The following CTNNA2 variants were observed in gnomAD, a reference collection of about 807,000 sequenced individuals.
The protein encoded by CTNNA2 is catenin alpha-2.
A neutral mutation model predicts 101.0 loss-of-function variants in CTNNA2; 42 were observed. That is an observed-to-expected ratio of 0.42 (90% CI 0.32 to 0.54). CTNNA2 has a LOEUF of 0.54. Ranked by LOEUF, CTNNA2 falls within the 20% of genes least tolerant of loss-of-function variation. The pLI is 0.14. For synonymous variants in CTNNA2, 450 were observed against 456.4 expected (o/e 0.99, Z 0.18); for missense variants, 871 against 1,223.1 (o/e 0.71, Z 4.29).
intron 9 of CTNNA2, among the ~76,000 whole-genome samples, chr2:80,437,098 A>G (rs1682108043): frequency 6.6e-6 from 1 of 152,156 alleles, no homozygotes; most frequent in Non-Finnish European, 1.5e-5. Flanking sequence ...AGAAGGCACC[A>G]TCTATGAGGA....
chr2:79,615,588 G>A (rs1678565419), intron 1 of CTNNA2, among the ~76,000 whole-genome samples: 1 of 152,200 alleles, frequency 6.6e-6, no homozygotes, highest in Non-Finnish European at 1.5e-5. Flanking sequence ...GTTTTGACGA[G>A]AGGGTCAATG....
intron 6 of CTNNA2, among the ~76,000 whole-genome samples, chr2:79,886,095 G>A (rs1683837938): frequency 1.3e-5 from 2 of 152,194 alleles, no homozygotes; most frequent in South Asian, 4.1e-4. Context: ...CATAAATGCT[G>A]CTGCATACGC....
intron 2 of CTNNA2, among the ~76,000 whole-genome samples, chr2:79,742,973 A>T (rs1671396361): frequency 6.6e-6 from 1 of 152,132 alleles, no homozygotes; most frequent in South Asian, 2.1e-4. Context: ...CTCTTTCTCT[A>T]TAAACTGACC....
rs3979544 is a variant in CTNNA2 at position 79,443,903 on chromosome 2, A to ACTCTCTCTCTCTCT, written c.-134-61126_-134-61113dup. ...AAGCTTTTATCTTATTTGTATACAT[A>ACTCTCTCTCTCTCT]CTCTCTCTCTCTCTCTCTCTCTCTC... On this transcript the variant is annotated intron_variant, in intron 4 of 21. Transcript: ENST00000466387. 2.1e-4 allele frequency among the ~76,000 whole-genome samples: 30 copies of ACTCTCTCTCTCTCT among 141,910 alleles called. No individual in the cohort carries two copies. The East Asian group carries it at 3.4e-3, about 16-fold the overall frequency. 93.1% of individuals were successfully genotyped at this position (141,910 alleles called of 152,430 possible). A position where few individuals can be genotyped will look rare whatever the true frequency, so the allele number is the denominator to read the frequency against.
At chr2:80,215,206 T>TC in intron 7 of CTNNA2, among the ~76,000 whole-genome samples, 1 of 152,194 alleles carries the variant, frequency 6.6e-6, no homozygotes, top group Admixed American at 6.5e-5. Flanking sequence ...GGTTAGAACA[T>TC]CCTCCTTTAG....
chr2:79,400,231 C>T (rs1302053256), intron 4 of CTNNA2, among the ~76,000 whole-genome samples: 2 of 151,972 alleles, frequency 1.3e-5, no homozygotes, highest in Non-Finnish European at 2.9e-5. Flanking sequence ...AGAGGGGTGA[C>T]TTTGAGTTCT....
At chr2:80,268,485 TA>T (rs746067662) in intron 7 of CTNNA2, among the ~76,000 whole-genome samples, 2 of 152,142 alleles carry the variant, frequency 1.3e-5, no homozygotes, top group Non-Finnish European at 2.9e-5. Context: ...CATTTAGGAG[TA>T]ACCCTCTAAT....
At chr2:80,627,023 T>G (rs1671757310) in intron 18 of CTNNA2, among the ~76,000 whole-genome samples, 1 of 152,172 alleles carries the variant, frequency 6.6e-6, no homozygotes, top group African/African-American at 2.4e-5. Flanking sequence ...TTCAACCATG[T>G]CCCTGTAAAG....
chr2:80,414,134 A>T (rs753873578), intron 8 of CTNNA2, among the ~76,000 whole-genome samples: 1 of 152,206 alleles, frequency 6.6e-6, no homozygotes, highest in African/African-American at 2.4e-5. Context: ...TTAGCAAAGA[A>T]AGAAAGCTTT....
intron 2 of CTNNA2, among the ~76,000 whole-genome samples, chr2:79,301,305 A>C (rs912085236): frequency 3.9e-5 from 6 of 152,184 alleles, no homozygotes; most frequent in African/African-American, 1.4e-4. Context: ...CCTGGCATAG[A>C]ATCTGATATA....
chr2:80,018,964 G>GA, intron 7 of CTNNA2, among the ~76,000 whole-genome samples: 1 of 151,926 alleles, frequency 6.6e-6, no homozygotes, highest in East Asian at 1.9e-4. Context: ...ATGTTCAAAT[G>GA]AAAAAATAAG....
intron 3 of CTNNA2, among the ~76,000 whole-genome samples, chr2:79,334,346 A>T (rs1676943624): frequency 6.6e-6 from 1 of 152,058 alleles, no homozygotes; most frequent in Admixed American, 6.6e-5. Context: ...CCAAAACAGC[A>T]TAGCTTTTTT....
intron 7 of CTNNA2, among the ~76,000 whole-genome samples, chr2:80,187,929 G>A (rs1171520834): frequency 6.6e-6 from 1 of 151,770 alleles, no homozygotes; most frequent in Non-Finnish European, 1.5e-5. Flanking sequence ...TAAGGTTGTA[G>A]ATGTATAGGT....
chr2:80,419,519 T>C lies in CTNNA2; in HGVS notation c.1208T>C (p.Ile403Thr), dbSNP rs781043809. The change falls in exon 9 of 19, where the codon ATT becomes ACT. Residue 403 changes from isoleucine (I) to threonine (T), a missense_variant. Physicochemically the swap from Ile to Thr is moderately conservative, Grantham distance 89. Coordinates refer to ENST00000402739, the MANE Select transcript of CTNNA2 (RefSeq NM_001282597.3). ...LETNVPLLVL[I>T]EAAKSGNEKE... is the part of the protein sequence containing the mutation. ...ACCAATGTTCCTTTGCTAGTTCTCA[T>C]TGAGGCTGCAAAGAGCGGAAATGAA... The C allele has an allele frequency of 3.7e-6, 6 of 1,613,630 alleles. No homozygotes were observed. The highest frequency in any genetic ancestry group is 2.2e-5 in the East Asian group (1 of 44,822).
At chr2:80,374,059 T>TA (rs57627340) in intron 7 of CTNNA2, among the ~76,000 whole-genome samples, 25,262 of 146,822 alleles carry the variant, frequency 0.17, 2,241 homozygotes, top group African/African-American at 0.25. Context: ...TGGGAAACTT[T>TA]AAAAAAAAAA....
intron 2 of CTNNA2, among the ~76,000 whole-genome samples, chr2:79,210,340 G>A (rs576867834): frequency 3.4e-4 from 51 of 152,204 alleles, no homozygotes; most frequent in Non-Finnish European, 5.7e-4. Flanking sequence ...TAAAATAAAA[G>A]TACATATTAG....
intron 2 of CTNNA2, among the ~76,000 whole-genome samples, chr2:79,717,670 A>G (rs1297827775): frequency 6.6e-6 from 1 of 152,222 alleles, no homozygotes; most frequent in Non-Finnish European, 1.5e-5. Flanking sequence ...CATGGTAGGA[A>G]AAAATTAGGT....
At chr2:79,968,002 C>T (rs965449617) in intron 7 of CTNNA2, among the ~76,000 whole-genome samples, 1 of 152,012 alleles carries the variant, frequency 6.6e-6, no homozygotes, top group South Asian at 2.1e-4. Context: ...CCAGAATTGG[C>T]AAATCTATAG....
chr2:80,083,383 C>T (rs1699260976), intron 7 of CTNNA2, among the ~76,000 whole-genome samples: 1 of 152,030 alleles, frequency 6.6e-6, no homozygotes, highest in South Asian at 2.1e-4. Context: ...TGCTTGGTTG[C>T]CACAGTAGCA....
Sources: allele counts gnomAD v4.1 joint callset (sites outside exome capture counted in the v4.1 genomes callset), GRCh38; gene constraint gnomAD v4.1.1; transcripts MANE v1.5; gene names NCBI Gene and HGNC (gene_info 2026-07-23, HGNC 2026-07-21).